SMAP1: variants seen among roughly 807,000 people sequenced by gnomAD.
The protein encoded by SMAP1 is small ArfGAP 1, also known as stromal membrane-associated protein 1.
Under a neutral mutation model 58.5 loss-of-function variants are expected in SMAP1, and 24 were observed. The observed-to-expected ratio is 0.41, with a 90% CI of 0.30 to 0.58. SMAP1 has a LOEUF of 0.58. SMAP1 is among the 20% of genes least tolerant of loss of function. The pLI is 0.29. For missense variants in SMAP1, 563 were observed against 566.3 expected, an observed-to-expected ratio of 0.99 and a Z score of 0.06; for synonymous variants, 216 against 196.6, an observed-to-expected ratio of 1.10 and a Z score of -0.82.
intron 1 of SMAP1, among the ~76,000 whole-genome samples, chr6:70,729,462 TG>T (rs1319809368): frequency 7.3e-6 from 1 of 137,698 alleles, no homozygotes; most frequent in African/African-American, 2.7e-5. Flanking sequence ...AAGAAGGTTG[TG>T]TGTGTGTGTG....
chr6:70,799,312 G>A (rs188375373), intron 6 of SMAP1, among the ~76,000 whole-genome samples: 1 of 152,120 alleles, frequency 6.6e-6, no homozygotes, highest in African/African-American at 2.4e-5. Context: ...TATTCTTTTG[G>A]GGGGAGGAAA....
intron 1 of SMAP1, among the ~76,000 whole-genome samples, chr6:70,685,735 T>C (rs1375950545): frequency 1.3e-5 from 2 of 152,134 alleles, no homozygotes; most frequent in South Asian, 2.1e-4. Flanking sequence ...AAGTGTTTCC[T>C]AAAGCCATAT....
At chr6:70,717,154 G>A (rs1768308231) in intron 1 of SMAP1, among the ~76,000 whole-genome samples, 1 of 152,202 alleles carries the variant, frequency 6.6e-6, no homozygotes, top group Admixed American at 6.5e-5. Flanking sequence ...TTGAGATGCA[G>A]GTGGGAAGAT....
intron 1 of SMAP1, among the ~76,000 whole-genome samples, chr6:70,682,296 C>T (rs1279729687): frequency 6.8e-6 from 1 of 147,562 alleles, no homozygotes; most frequent in African/African-American, 2.5e-5. Flanking sequence ...TCAAGCGATT[C>T]TCCTGCCTTG....
intron 4 of SMAP1, among the ~76,000 whole-genome samples, chr6:70,788,708 G>A (rs1257204561): frequency 6.6e-6 from 1 of 152,158 alleles, no homozygotes; most frequent in East Asian, 1.9e-4. Context: ...ATATATGGCT[G>A]GGCAGAGTGT....
intron 1 of SMAP1, among the ~76,000 whole-genome samples, chr6:70,728,839 C>T (rs1562118819): frequency 6.6e-6 from 1 of 152,184 alleles, no homozygotes; most frequent in Non-Finnish European, 1.5e-5. Flanking sequence ...ATCTTTCTCC[C>T]TCTTCTTCTG....
At position 70,860,288 on chromosome 6, in the gene SMAP1, C is replaced by T; in HGVS notation, c.1358C>T (p.Ser453Phe). The T allele has an allele frequency of 6.2e-7, 1 of 1,613,710 alleles. No individual in the cohort carries two copies. The highest frequency in any genetic ancestry group is 8.5e-7 in the Non-Finnish European group (1 of 1,179,842). Reference sequence around the variant, plus strand: ...CCCTCCAGCACAACAGCAGGATGGTCTGGAAGCTCATCAGGTCAGACTCTC... The same window carrying T: ...CCCTCCAGCACAACAGCAGGATGGTTTGGAAGCTCATCAGGTCAGACTCTC... ...GQPSSTTAGW[S>F]GSSSGQTLST... The change falls in exon 11 of 11, where the codon TCT becomes TTT. Residue 453 changes from serine to phenylalanine, a missense_variant. By Grantham distance (155) the Ser-to-Phe change is radical. Coordinates refer to ENST00000370455, the MANE Select transcript of SMAP1 (RefSeq NM_001044305.3).
intron 6 of SMAP1, among the ~76,000 whole-genome samples, chr6:70,822,030 G>GTTC (rs1769913381): frequency 6.6e-6 from 1 of 152,142 alleles, no homozygotes; most frequent in Non-Finnish European, 1.5e-5. Flanking sequence ...CCTAGTTAAT[G>GTTC]AAAGAAAGGC....
chr6:70,668,712 T>C (rs1032240307), intron 1 of SMAP1: 82 of 1,535,990 alleles, frequency 5.3e-5, no homozygotes, highest in African/African-American at 2.2e-4. Context: ...TGGTGGTCTT[T>C]TTCGGTGGGT....
intron 1 of SMAP1, among the ~76,000 whole-genome samples, chr6:70,690,498 GT>G (rs938145226): frequency 1.3e-5 from 2 of 151,730 alleles, no homozygotes; most frequent in African/African-American, 2.4e-5. Flanking sequence ...TAGAGATGGG[GT>G]TTCTCCATGT....
intron 1 of SMAP1, among the ~76,000 whole-genome samples, chr6:70,699,660 T>G (rs1052839307): frequency 6.6e-6 from 1 of 152,074 alleles, no homozygotes; most frequent in South Asian, 2.1e-4. Context: ...CAAGTGGTAG[T>G]CTTTCCTCAT....
At chr6:70,808,918 G>GTGTGTGT (rs886946014) in intron 6 of SMAP1, among the ~76,000 whole-genome samples, 3 of 150,260 alleles carry the variant, frequency 2.0e-5, no homozygotes, top group African/African-American at 7.4e-5. Flanking sequence ...GTGTGTGTGT[G>GTGTGTGT]TGTGTGTGTG....
chr6:70,696,664 A>G (rs547489993), intron 1 of SMAP1, among the ~76,000 whole-genome samples: 1 of 152,216 alleles, frequency 6.6e-6, no homozygotes, highest in Non-Finnish European at 1.5e-5. Context: ...GGCCCAGCAT[A>G]TAGTCTATCC....
chr6:70,785,732 C>G (rs1409318353), intron 4 of SMAP1, among the ~76,000 whole-genome samples: 2 of 152,202 alleles, frequency 1.3e-5, no homozygotes, highest in African/African-American at 4.8e-5. Context: ...GACACATACA[C>G]CCTCCCAAGA....
intron 3 of SMAP1, among the ~76,000 whole-genome samples, chr6:70,764,442 T>G (rs950875413): frequency 6.6e-6 from 1 of 152,304 alleles, no homozygotes; most frequent in East Asian, 1.9e-4. Flanking sequence ...CAGGCTGACT[T>G]TCTTGTTAGG....
At chr6:70,717,746 T>A (rs981000578) in intron 1 of SMAP1, among the ~76,000 whole-genome samples, 1 of 152,228 alleles carries the variant, frequency 6.6e-6, no homozygotes, top group Non-Finnish European at 1.5e-5. Flanking sequence ...GTGGTTTTGT[T>A]TCTGGTTATG....
chr6:70,861,614 T>C lies in SMAP1; in HGVS notation c.*1280T>C. On this transcript the variant is annotated 3_prime_UTR_variant, in exon 11 of 11. Transcript: ENST00000370455. ...GTAGCCTAAACTCCAAACATCCTCT[T>C]CCATATGGATCCACTGGCTGGACAA... 1.3e-6 allele frequency: 2 copies of C among 1,541,520 alleles called. No homozygotes were observed. The highest frequency in any genetic ancestry group is 1.8e-6 in the Non-Finnish European group (2 of 1,118,344).
chr6:70,745,881 G>T (rs1247611293), intron 2 of SMAP1, among the ~76,000 whole-genome samples: 2 of 152,098 alleles, frequency 1.3e-5, no homozygotes, highest in Non-Finnish European at 2.9e-5. Context: ...CCATGAAGAG[G>T]TCCTTCACAT....
rs972356811 is a variant in SMAP1, at chr6:70,786,470, A to G, written c.415-5219A>G. Among the ~76,000 whole-genome samples the G allele has an allele frequency of 7.8e-5, 3 of 38,440 alleles. No individual in the cohort carries two copies. In the Admixed American group the frequency reaches 9.0e-4, roughly 12 times the overall value. 25.2% of individuals were successfully genotyped at this position (38,440 alleles called of 152,430 possible). On this transcript the variant is annotated intron_variant, in intron 4 of 10. Coordinates refer to ENST00000370455, the MANE Select transcript of SMAP1 (RefSeq NM_001044305.3). ...CTGGCCAGGGCAATTAGGCAGGAGAAGGAAATAAAGGGTTATTCAATTAGG... is the reference window on the plus strand; with the variant it reads ...CTGGCCAGGGCAATTAGGCAGGAGAGGGAAATAAAGGGTTATTCAATTAGG...
Sources: allele counts gnomAD v4.1 joint callset (sites outside exome capture counted in the v4.1 genomes callset), GRCh38; gene constraint gnomAD v4.1.1; transcripts MANE v1.5; gene names NCBI Gene and HGNC (gene_info 2026-07-23, HGNC 2026-07-21).